VDAC1: variants seen among roughly 807,000 people sequenced by gnomAD.
The protein encoded by VDAC1 is voltage dependent anion channel 1.
Under a neutral mutation model 34.7 loss-of-function variants are expected in VDAC1, and 10 were observed. The observed-to-expected ratio is 0.29, with a 90% CI of 0.18 to 0.49. VDAC1 has a LOEUF of 0.49. Ranked by LOEUF, VDAC1 falls within the 20% of genes least tolerant of loss-of-function variation. VDAC1 has a pLI of 0.99. For synonymous variants in VDAC1, 130 were observed against 136.0 expected, an observed-to-expected ratio of 0.96 and a Z score of 0.30; for missense variants, 230 against 347.9, an observed-to-expected ratio of 0.66 and a Z score of 2.69.
chr5:134,010,585 C>T, the VDAC1 span, among the ~76,000 whole-genome samples: 3 of 151,914 alleles, frequency 2.0e-5, no homozygotes, highest in African/African-American at 4.8e-5. Context: ...GGGACAAGAG[C>T]GAGACTTTGT....
the VDAC1 span, among the ~76,000 whole-genome samples, chr5:134,018,142 A>G: frequency 6.6e-6 from 1 of 152,218 alleles, no homozygotes; most frequent in East Asian, 1.9e-4. Context: ...TGGTGCGGGC[A>G]TCTGCTCGGC....
chr5:134,028,224 C>T, the VDAC1 span, among the ~76,000 whole-genome samples: 2 of 151,744 alleles, frequency 1.3e-5, no homozygotes, highest in African/African-American at 4.8e-5. Context: ...CCTCCACCTT[C>T]CAGGTTCAAG....
chr5:134,112,771 G>A, the VDAC1 span, among the ~76,000 whole-genome samples: 9 of 152,194 alleles, frequency 5.9e-5, no homozygotes, highest in Admixed American at 5.9e-4. Flanking sequence ...AAGCTGGAAA[G>A]TTTTAACCTT....
At chr5:134,064,458 C>T in the VDAC1 span, among the ~76,000 whole-genome samples, 2 of 152,044 alleles carry the variant, frequency 1.3e-5, no homozygotes, top group African/African-American at 4.8e-5. Flanking sequence ...GCATTTGCCA[C>T]TGCACCTGGC....
At chr5:134,010,817 T>C in the VDAC1 span, among the ~76,000 whole-genome samples, 8 of 152,272 alleles carry the variant, frequency 5.3e-5, no homozygotes, top group East Asian at 1.9e-4. Flanking sequence ...AACTACTTCA[T>C]TGGGATAGGA....
At chr5:133,975,109 AT>A (rs1306347581) in intron 7 of VDAC1, among the ~76,000 whole-genome samples, 1 of 151,766 alleles carries the variant, frequency 6.6e-6, no homozygotes, top group Non-Finnish European at 1.5e-5. Flanking sequence ...TCTACTAAAA[AT>A]TTTTTTTTAA....
chr5:134,085,220 C>G, the VDAC1 span, among the ~76,000 whole-genome samples: 1 of 152,068 alleles, frequency 6.6e-6, no homozygotes, highest in Non-Finnish European at 1.5e-5. Flanking sequence ...AGGTGCCCAC[C>G]ACCACGCCCG....
chr5:134,086,437 C>G, the VDAC1 span, among the ~76,000 whole-genome samples: 3 of 152,158 alleles, frequency 2.0e-5, no homozygotes, highest in African/African-American at 7.2e-5. Context: ...TGGGAGGCCT[C>G]CCCAAGGGTG....
intron 6 of VDAC1, among the ~76,000 whole-genome samples, chr5:133,978,221 C>T (rs1004692844): frequency 6.6e-6 from 1 of 151,778 alleles, no homozygotes; most frequent in Non-Finnish European, 1.5e-5. Context: ...GGCTGGAGAG[C>T]AGTGGCAAAA....
the VDAC1 span, among the ~76,000 whole-genome samples, chr5:134,047,149 C>T: frequency 3.2e-4 from 48 of 152,280 alleles, no homozygotes; most frequent in African/African-American, 1.1e-3. Flanking sequence ...GGTCACTTTC[C>T]TGGAAACTCC....
At chr5:133,995,555 C>T (rs898408586) in intron 1 of VDAC1, among the ~76,000 whole-genome samples, 4 of 152,242 alleles carry the variant, frequency 2.6e-5, no homozygotes, top group Non-Finnish European at 4.4e-5. Flanking sequence ...GTGACACCAC[C>T]GAGGACAGCA....
the VDAC1 span, among the ~76,000 whole-genome samples, chr5:134,028,326 T>C: frequency 6.6e-6 from 1 of 151,306 alleles, no homozygotes; most frequent in East Asian, 2.0e-4. Context: ...AGGGACAGGG[T>C]TTCACCATGT....
chr5:133,985,480 C>A (rs11957446), intron 5 of VDAC1, among the ~76,000 whole-genome samples: 22,800 of 152,058 alleles, frequency 0.15, 1,883 homozygotes, highest in East Asian at 0.32. Context: ...ACGGAAAAAC[C>A]CTGTCTCTAC....
At chr5:134,067,197 T>G in the VDAC1 span, among the ~76,000 whole-genome samples, 1 of 151,620 alleles carries the variant, frequency 6.6e-6, no homozygotes, top group Non-Finnish European at 1.5e-5. Flanking sequence ...TACCTCAGCC[T>G]CCCGAGGAGC....
the VDAC1 span, among the ~76,000 whole-genome samples, chr5:134,086,621 C>A: frequency 6.6e-6 from 1 of 152,236 alleles, no homozygotes; most frequent in Non-Finnish European, 1.5e-5. Context: ...GTCCCAGGAC[C>A]TCCTTCTGAT....
chr5:134,004,049 G>A (rs1393304507), intron 1 of VDAC1, among the ~76,000 whole-genome samples: 3 of 152,232 alleles, frequency 2.0e-5, no homozygotes, highest in Admixed American at 6.5e-5. Flanking sequence ...TACCGCCTAA[G>A]TCGACTCTCG....
the VDAC1 span, among the ~76,000 whole-genome samples, chr5:134,078,217 G>A: frequency 6.6e-6 from 1 of 152,224 alleles, no homozygotes; most frequent in Non-Finnish European, 1.5e-5. Flanking sequence ...AAAGAGGCTA[G>A]AGATGCCCGT....
At chr5:134,063,410 G>GTA in the VDAC1 span, among the ~76,000 whole-genome samples, 1 of 152,118 alleles carries the variant, frequency 6.6e-6, no homozygotes, top group Non-Finnish European at 1.5e-5. Context: ...CTCTATCCCT[G>GTA]TATCCTTACC....
chr5:134,084,430 C>T, the VDAC1 span, among the ~76,000 whole-genome samples: 366 of 152,348 alleles, frequency 2.4e-3, 2 homozygotes, highest in African/African-American at 7.8e-3. Context: ...CACTCCAAGC[C>T]AGACCCTGGA....
Sources: allele counts gnomAD v4.1 joint callset (sites outside exome capture counted in the v4.1 genomes callset), GRCh38; gene constraint gnomAD v4.1.1; transcripts MANE v1.5; gene names NCBI Gene and HGNC (gene_info 2026-07-23, HGNC 2026-07-21).